The following DMXL1 variants were observed in gnomAD, a reference collection of about 807,000 sequenced individuals.
DMXL1 encodes dmX-like protein 1.
Under a neutral mutation model 319.2 loss-of-function variants are expected in DMXL1, and 99 were observed. The ratio of observed to expected loss-of-function variants is 0.31; its 90% CI spans 0.26 to 0.37. The LOEUF is 0.37. DMXL1 is among the 10% of genes least tolerant of loss of function. The pLI, the probability that DMXL1 is intolerant of heterozygous loss-of-function variation, is 1.00. For missense variants in DMXL1, 3,745 were observed against 3,595.6 expected (o/e 1.04, Z -1.06); for synonymous variants, 1,385 against 1,235.2 (o/e 1.12, Z -2.54).
At chr5:119,112,388 CA>C (rs1759832720) in intron 5 of DMXL1, among the ~76,000 whole-genome samples, 2 of 152,252 alleles carry the variant, frequency 1.3e-5, no homozygotes, top group South Asian at 4.1e-4. Context: ...TGGTTCCAGT[CA>C]GCTTTAAAGA....
chr5:119,202,891 A>ATATATATATATATTTATATATT (rs1781046718), intron 32 of DMXL1, among the ~76,000 whole-genome samples: 69 of 139,880 alleles, frequency 4.9e-4, no homozygotes, highest in African/African-American at 1.8e-3. Context: ...ATTTTTATAT[A>ATATATATATATATTTATATATT]TATATATATA....
chr5:119,077,145 C>T (rs528045675), intron 1 of DMXL1, among the ~76,000 whole-genome samples: 2 of 147,300 alleles, frequency 1.4e-5, no homozygotes, highest in African/African-American at 5.4e-5. Flanking sequence ...GATGAACCAA[C>T]AGGCCCAGTG....
At chr5:119,204,884 C>T (rs1463045076) in intron 33 of DMXL1, among the ~76,000 whole-genome samples, 3 of 152,100 alleles carry the variant, frequency 2.0e-5, no homozygotes, top group Non-Finnish European at 4.4e-5. Context: ...GACAAGTAAG[C>T]AAAAAGCAAG....
At chr5:119,131,249 A>G (rs1764828114) in intron 10 of DMXL1, among the ~76,000 whole-genome samples, 3 of 152,044 alleles carry the variant, frequency 2.0e-5, no homozygotes, top group Non-Finnish European at 4.4e-5. Flanking sequence ...CTTCAGAGAA[A>G]GGCTCTATAT....
intron 8 of DMXL1, among the ~76,000 whole-genome samples, chr5:119,120,260 A>G (rs747875202): frequency 6.6e-6 from 1 of 152,238 alleles, no homozygotes; most frequent in African/African-American, 2.4e-5. Flanking sequence ...TTATGCAGCA[A>G]CAATTTTTCT....
At chr5:119,246,463 A>G (rs1789781446) in intron 43 of DMXL1, among the ~76,000 whole-genome samples, 1 of 152,056 alleles carries the variant, frequency 6.6e-6, no homozygotes, top group Non-Finnish European at 1.5e-5. Flanking sequence ...TACTAGATGG[A>G]TTTTTAAGTA....
At chr5:119,239,498 A>C (rs1286062318) in intron 41 of DMXL1, among the ~76,000 whole-genome samples, 1 of 152,216 alleles carries the variant, frequency 6.6e-6, no homozygotes, top group Admixed American at 6.5e-5. Flanking sequence ...TGCTTAAGAA[A>C]ATTCAGCATC....
chr5:119,107,729 T>G (rs1444551180), intron 4 of DMXL1, among the ~76,000 whole-genome samples: 1 of 152,210 alleles, frequency 6.6e-6, no homozygotes, highest in East Asian at 1.9e-4. Context: ...TATCTGTTGG[T>G]AAGTTCAAAA....
intron 37 of DMXL1, among the ~76,000 whole-genome samples, chr5:119,221,909 A>G (rs1181147676): frequency 6.6e-6 from 1 of 151,704 alleles, no homozygotes; most frequent in Non-Finnish European, 1.5e-5. Context: ...TTACCTAGAG[A>G]TGTGATTCAT....
At chr5:119,134,808 G>T (rs1765639999) in intron 13 of DMXL1, among the ~76,000 whole-genome samples, 1 of 152,196 alleles carries the variant, frequency 6.6e-6, no homozygotes, top group South Asian at 2.1e-4. Flanking sequence ...TTTCAGTATT[G>T]TTGTAAGGCT....
At chr5:119,196,271 G>A in intron 30 of DMXL1, 100 bp from the exon 31 acceptor site, 1 of 880,848 alleles carries the variant, frequency 1.1e-6, no homozygotes, top group Non-Finnish European at 1.9e-6. Flanking sequence ...GGTATGTTCA[G>A]GTTGATTCCT....
chr5:119,152,817 CTTTG>C, intron 19 of DMXL1, among the ~76,000 whole-genome samples: 1 of 152,254 alleles, frequency 6.6e-6, no homozygotes, highest in Admixed American at 6.5e-5. Context: ...GTTATTGGGA[CTTTG>C]CAGTTTAGCC....
In DMXL1 at chr5:119,244,501, T is replaced by C; in HGVS notation, c.8847T>C (p.Asp2949=). ...AGAGGCAGCTTTTCCAGAGCCATGA[T>C]TCTCCTGTTAAAGCCGTTGCTGTTG... ...RQQRQLFQSH[D]SPVKAVAVDP... is the part of the protein sequence containing the mutation. Residue 2949 remains aspartate, a synonymous_variant, in exon 43 of 44, where the codon GAT becomes GAC. Transcript: ENST00000539542. 1.2e-6 allele frequency: 2 copies of C among 1,614,218 alleles called. No individual in the cohort carries two copies. Among genetic ancestry groups the C allele is most frequent in the African/African-American group, 2.7e-5 (2 of 75,072 alleles).
intron 1 of DMXL1, among the ~76,000 whole-genome samples, chr5:119,085,573 T>C (rs553918751): frequency 1.4e-3 from 218 of 152,276 alleles, no homozygotes; most frequent in African/African-American, 4.8e-3. Flanking sequence ...TCATCCGTTC[T>C]AACAGGTTTT....
At chr5:119,231,485 C>T (rs1485279226) in intron 38 of DMXL1, among the ~76,000 whole-genome samples, 1 of 152,140 alleles carries the variant, frequency 6.6e-6, no homozygotes, top group Admixed American at 6.6e-5. Flanking sequence ...CCTTCAAATG[C>T]ACAGTGAGAA....
rs765122441 is a variant in DMXL1, at chr5:119,149,487, G to T, written c.3660G>T (p.Ser1220=). The change falls in exon 18 of 44, where the codon TCG becomes TCT. Residue 1220 remains serine (S), a synonymous_variant. Coordinates refer to ENST00000539542, the MANE Select transcript of DMXL1 (RefSeq NM_001290321.3). ...DGSPPFPVSL[S]WVRDGILVVG... The stretch of plus-strand genomic sequence containing the variant: ...CCCCACCTTTTCCTGTTTCTTTATC[G>T]TGGGTCCGGGATGGCATCCTTGTGG... 1 of 1,613,864 alleles carries T rather than the reference G, an allele frequency of 6.2e-7. No homozygotes were observed. Among genetic ancestry groups the T allele is most frequent in the South Asian group, 1.1e-5 (1 of 91,082 alleles).
intron 33 of DMXL1, among the ~76,000 whole-genome samples, chr5:119,204,562 T>G (rs1381209919): frequency 2.0e-5 from 3 of 152,118 alleles, no homozygotes; most frequent in Non-Finnish European, 4.4e-5. Flanking sequence ...TAATGGGTTT[T>G]TTTTTTTTTT....
Position 119,170,302 on chromosome 5 carries a change from T to A in DMXL1, c.5511T>A (p.His1837Gln), listed in dbSNP as rs1561783918. 1 of 1,613,956 alleles carries A rather than the reference T, an allele frequency of 6.2e-7. No homozygotes were observed. Among genetic ancestry groups the A allele is most frequent in the Admixed American group, 1.7e-5 (1 of 60,022 alleles). ...GATCATCTGATACATTTTCCACACA[T>A]ATGAGCCTAACAGGAAAAAGTGGAC... is the stretch of plus-strand genomic sequence containing the variant. ...HFGSSDTFST[H>Q]MSLTGKSGLA... is the part of the protein sequence containing the mutation. The change falls in exon 24 of 44, where the codon CAT becomes CAA. Residue 1837 changes from histidine to glutamine, a missense_variant. Transcript: ENST00000539542.
At position 119,128,663 on chromosome 5, in the gene DMXL1, A is replaced by C. The variant is rs1021497179; in HGVS notation, c.1103-548A>C. Among the ~76,000 whole-genome samples, 4 of 152,316 alleles carry C rather than the reference A, an allele frequency of 2.6e-5. No homozygotes were observed. In the Middle Eastern group the frequency reaches 0.01, roughly 389 times the overall value. On this transcript the variant is annotated intron_variant, in intron 9 of 43. Coordinates refer to ENST00000539542, the MANE Select transcript of DMXL1 (RefSeq NM_001290321.3). ...TTGTAATAAATGTACCACTTTTGGTAGTGGATGTTGATAATGTGGGAGGCT... is the reference window on the plus strand; with the variant it reads ...TTGTAATAAATGTACCACTTTTGGTCGTGGATGTTGATAATGTGGGAGGCT...
Sources: gnomAD v4.1 joint callset for allele counts (sites outside exome capture counted in the v4.1 genomes callset) on GRCh38, gnomAD v4.1.1 for gene constraint, MANE v1.5 for transcripts, NCBI Gene and HGNC (gene_info 2026-07-23, HGNC 2026-07-21) for gene names.